PCDH11Y: variants seen among roughly 807,000 people sequenced by gnomAD.
The protein encoded by PCDH11Y is protocadherin-11 Y-linked.
For missense variants in PCDH11Y, 12 were observed against 224.8 expected (o/e 0.05, Z 6.05); for synonymous variants, 9 against 83.6 (o/e 0.11, Z 4.87).
chrY:5,283,802 A>G, intron 2 of PCDH11Y, among the ~76,000 whole-genome samples: 1 of 31,113 alleles, frequency 3.2e-5, no homozygotes, highest in Non-Finnish European at 7.9e-5. Context: ...CTTCTTGATG[A>G]TACATATTGT....
At chrY:5,009,757 G>C (rs2052544991) in intron 1 of PCDH11Y, among the ~76,000 whole-genome samples, 1 of 33,437 alleles carries the variant, frequency 3.0e-5, no homozygotes, top group Non-Finnish European at 7.4e-5. Context: ...CAGAGGAAGA[G>C]GGGAGGAGAA....
chrY:5,730,988 A>G, intron 4 of PCDH11Y, among the ~76,000 whole-genome samples: 2 of 29,004 alleles, frequency 6.9e-5, no homozygotes, highest in Admixed American at 6.6e-4. Flanking sequence ...TAATTTTTTG[A>G]AGTGCTGTTG....
intron 2 of PCDH11Y, among the ~76,000 whole-genome samples, chrY:5,168,663 A>G: frequency 5.1e-5 from 1 of 19,691 alleles, no homozygotes; most frequent in Non-Finnish European, 1.1e-4. Context: ...TTAAAAATAC[A>G]TTGTTCCTAT....
At chrY:5,475,171 T>G (rs2053317576) in intron 2 of PCDH11Y, among the ~76,000 whole-genome samples, 1 of 32,747 alleles carries the variant, frequency 3.1e-5, no homozygotes. Flanking sequence ...TCTTTTTTCT[T>G]GCCTCATTGC....
intron 4 of PCDH11Y, among the ~76,000 whole-genome samples, chrY:5,612,097 G>A: frequency 8.3e-5 from 2 of 24,219 alleles, no homozygotes; most frequent in African/African-American, 1.6e-4. Flanking sequence ...AGATGAACCC[G>A]GTACCTCAGA....
At chrY:5,397,180 C>G (rs1602919141) in intron 2 of PCDH11Y, among the ~76,000 whole-genome samples, 7 of 33,763 alleles carry the variant, frequency 2.1e-4, no homozygotes, top group African/African-American at 8.0e-4. Context: ...TTTAGAACCT[C>G]TTTATTTCAA....
exon 2 of PCDH11Y, chrY:5,100,197 C>G: frequency 2.5e-6 from 1 of 395,051 alleles, no homozygotes; most frequent in African/African-American, 6.7e-5. Flanking sequence ...AGGCACCACA[C>G]CTTAAGGCTG....
intron 4 of PCDH11Y, among the ~76,000 whole-genome samples, chrY:5,619,393 T>G: frequency 3.0e-5 from 1 of 33,378 alleles, no homozygotes; most frequent in Non-Finnish European, 7.4e-5. Context: ...ATTTATCTTT[T>G]AAAAGATCAT....
chrY:5,177,552 A>T, intron 2 of PCDH11Y, among the ~76,000 whole-genome samples: 1 of 33,567 alleles, frequency 3.0e-5, no homozygotes, highest in African/African-American at 1.2e-4. Context: ...TTGCAACAGC[A>T]TGGATGGAAC....
chrY:5,314,299 C>T, intron 2 of PCDH11Y, among the ~76,000 whole-genome samples: 2 of 26,669 alleles, frequency 7.5e-5, no homozygotes. Context: ...CAGGCACATG[C>T]CACCATGCCT....
downstream of PCDH11Y, among the ~76,000 whole-genome samples, chrY:5,108,544 G>C (rs376742668): frequency 2.6e-4 from 8 of 30,560 alleles, no homozygotes; most frequent in African/African-American, 8.9e-4. Flanking sequence ...TCAGGAGATC[G>C]AGACCATCCT....
At chrY:5,243,774 CTGTCAAGGAGTAACCTGCTTT>C (rs2052991642) in intron 2 of PCDH11Y, among the ~76,000 whole-genome samples, 1 of 31,370 alleles carries the variant, frequency 3.2e-5, no homozygotes, top group Non-Finnish European at 7.5e-5. Context: ...GCGAGTTAAA[CTGTCAAGGAGTAACCTGCTTT>C]TGTCAAGAGC....
intron 2 of PCDH11Y, among the ~76,000 whole-genome samples, chrY:5,242,298 A>C: frequency 5.2e-5 from 1 of 19,387 alleles, no homozygotes; most frequent in Non-Finnish European, 1.1e-4. Flanking sequence ...ATAACAAAAA[A>C]GTTTTGAACA....
At chrY:5,127,806 C>CT (rs2052827401) in intron 2 of PCDH11Y, among the ~76,000 whole-genome samples, 2 of 32,523 alleles carry the variant, frequency 6.1e-5, no homozygotes, top group African/African-American at 2.4e-4. Context: ...CAACTCTACA[C>CT]TTTTTTTTAC....
At chrY:5,290,038 A>G in intron 2 of PCDH11Y, among the ~76,000 whole-genome samples, 2 of 32,662 alleles carry the variant, frequency 6.1e-5, no homozygotes, top group Non-Finnish European at 1.5e-4. Context: ...ATGAACCTCC[A>G]AACTTTTCTT....
At chrY:5,330,192 C>A (rs2053129330) in intron 2 of PCDH11Y, among the ~76,000 whole-genome samples, 1 of 32,051 alleles carries the variant, frequency 3.1e-5, no homozygotes, top group Non-Finnish European at 7.6e-5. Flanking sequence ...GCAAGGTGCT[C>A]AGTGGGGGAG....
At chrY:5,228,992 G>A in intron 2 of PCDH11Y, among the ~76,000 whole-genome samples, 1 of 32,413 alleles carries the variant, frequency 3.1e-5, no homozygotes, top group African/African-American at 1.2e-4. Flanking sequence ...TTTCCGTATG[G>A]AAGATCTGTC....
chrY:5,384,024 A>G, intron 2 of PCDH11Y, among the ~76,000 whole-genome samples: 2 of 33,736 alleles, frequency 5.9e-5, no homozygotes, highest in Admixed American at 2.8e-4. Flanking sequence ...ATATTACAAA[A>G]ATATCTTAAT....
intron 1 of PCDH11Y, 94 bp downstream of exon 1, chrY:5,000,699 A>G (rs2052529165): frequency 3.9e-5 from 1 of 25,570 alleles, no homozygotes; most frequent in Non-Finnish European, 9.1e-5. Context: ...CCTGCCCCTG[A>G]GGTCTGAACT....
Sources: allele counts gnomAD v4.1 joint callset (sites outside exome capture counted in the v4.1 genomes callset), GRCh38; gene constraint gnomAD v4.1.1; transcripts MANE v1.5; gene names NCBI Gene and HGNC (gene_info 2026-07-23, HGNC 2026-07-21).